Variants in MAP7 observed in about 807,000 individuals in gnomAD.
MAP7 encodes ensconsin.
A neutral mutation model predicts 94.8 loss-of-function variants in MAP7; 52 were observed. The ratio of observed to expected loss-of-function variants is 0.55; its 90% CI spans 0.44 to 0.69. The LOEUF (loss-of-function observed/expected upper bound fraction) is 0.69. Among genes scored for constraint, MAP7 ranks in the 30% least tolerant of loss-of-function variants. The probability of loss-of-function intolerance (pLI) is 0.00; values close to 1 mark genes in which losing one functional copy is unlikely to be tolerated. For missense variants in MAP7, 940 were observed against 964.6 expected, an observed-to-expected ratio of 0.97 and a Z score of 0.34; for synonymous variants, 350 against 357.0, an observed-to-expected ratio of 0.98 and a Z score of 0.22.
At chr6:136,356,925 C>T (rs911962730) in intron 15 of MAP7, 131 bp from the exon 16 acceptor site, 2 of 654,272 alleles carry the variant, frequency 3.1e-6, no homozygotes, top group Non-Finnish European at 5.4e-6. Flanking sequence ...TTGGGCACAT[C>T]ACCTAAACTC....
chr6:136,527,308 A>T (rs1397677090), intron 1 of MAP7, among the ~76,000 whole-genome samples: 3 of 152,236 alleles, frequency 2.0e-5, no homozygotes, highest in Non-Finnish European at 4.4e-5. Flanking sequence ...AAATGACATT[A>T]AAACATGCCA....
At chr6:136,511,475 C>G (rs1279620672) in intron 1 of MAP7, among the ~76,000 whole-genome samples, 1 of 147,720 alleles carries the variant, frequency 6.8e-6, no homozygotes, top group Non-Finnish European at 1.5e-5. Flanking sequence ...CACAAAGAAC[C>G]TGTTTTTCTG....
intron 1 of MAP7, among the ~76,000 whole-genome samples, chr6:136,522,554 T>G (rs1826696017): frequency 1.3e-5 from 2 of 152,174 alleles, no homozygotes; most frequent in South Asian, 4.1e-4. Flanking sequence ...CAAATTTAGA[T>G]GGCAAACTTC....
At chr6:136,357,219 T>C (rs1055408127) in intron 15 of MAP7, among the ~76,000 whole-genome samples, 2 of 152,148 alleles carry the variant, frequency 1.3e-5, no homozygotes, top group Non-Finnish European at 2.9e-5. Context: ...ATTAAAAATA[T>C]TTTTGAAAAC....
chr6:136,542,527 G>A (rs1483462295), intron 1 of MAP7, among the ~76,000 whole-genome samples: 2 of 152,104 alleles, frequency 1.3e-5, no homozygotes, highest in Non-Finnish European at 2.9e-5. Context: ...AACAAAACAA[G>A]TTATTTCCAA....
chr6:136,416,579 G>T (rs1789494076), intron 2 of MAP7, among the ~76,000 whole-genome samples: 2 of 152,124 alleles, frequency 1.3e-5, no homozygotes, highest in Admixed American at 1.3e-4. Context: ...GACGAGGCAG[G>T]CGAATCACTT....
chr6:136,532,904 G>GTGTT (rs1828584367), intron 1 of MAP7, among the ~76,000 whole-genome samples: 1 of 152,194 alleles, frequency 6.6e-6, no homozygotes, highest in South Asian at 2.1e-4. Flanking sequence ...CCTTCTCCAG[G>GTGTT]TGTTTGGGTT....
chr6:136,410,620 A>G (rs949262468), intron 3 of MAP7, among the ~76,000 whole-genome samples: 14 of 152,228 alleles, frequency 9.2e-5, no homozygotes, highest in Non-Finnish European at 1.3e-4. Context: ...AGCAAAAGAA[A>G]TGACCTCATA....
At chr6:136,426,154 C>T (rs1049897431) in intron 1 of MAP7, among the ~76,000 whole-genome samples, 3 of 152,070 alleles carry the variant, frequency 2.0e-5, no homozygotes, top group African/African-American at 7.2e-5. Context: ...ACAAAGTTCC[C>T]GTCTTCAACC....
At chr6:136,516,549 A>G (rs1339631179) in intron 1 of MAP7, among the ~76,000 whole-genome samples, 3 of 152,200 alleles carry the variant, frequency 2.0e-5, no homozygotes, top group Non-Finnish European at 1.5e-5. Flanking sequence ...CATACCAGGT[A>G]GAGGGAAGAG....
chr6:136,421,715 G>A lies in MAP7; in HGVS notation c.152C>T (p.Ser51Leu). Residue 51 changes from serine to leucine, a missense_variant, in exon 2 of 18, where the codon TCA becomes TTA. Physicochemically the swap from Ser to Leu is moderately radical, Grantham distance 145 (BLOSUM62 -2). Coordinates refer to ENST00000354570, the MANE Select transcript of MAP7 (RefSeq NM_003980.6). ...SAISGQNNNH[S>L]GNKPDPPPVL... is the part of the protein sequence containing the mutation. ...ATGCATCATACCTGGTTTATTTCCT[G>A]AGTGGTTGTTATTTTGTCCTGAAAT... 1 of 1,613,852 alleles carries A rather than the reference G, an allele frequency of 6.2e-7. No homozygotes were observed. The highest frequency in any genetic ancestry group is 8.5e-7 in the Non-Finnish European group (1 of 1,179,852).
chr6:136,539,552 T>C (rs1329061013), intron 1 of MAP7, among the ~76,000 whole-genome samples: 2 of 152,130 alleles, frequency 1.3e-5, no homozygotes, highest in African/African-American at 4.8e-5. Context: ...ACTTCATAGT[T>C]AGACATATGC....
chr6:136,442,163 G>A lies in MAP7; in HGVS notation c.68-20364C>T, dbSNP rs570433397. ...CATGCCTGTAATTGCAGCACTTTGGGAGGACGAGGCAGGTGGATCACTTGA... is the reference window on the plus strand; with the variant it reads ...CATGCCTGTAATTGCAGCACTTTGGAAGGACGAGGCAGGTGGATCACTTGA... On this transcript the variant is annotated intron_variant, in intron 1 of 17. Coordinates refer to ENST00000354570, the MANE Select transcript of MAP7 (RefSeq NM_003980.6). Among the ~76,000 whole-genome samples the A allele has an allele frequency of 2.6e-5, 4 of 152,208 alleles. 1 individual carries two copies. In the South Asian group the frequency reaches 6.2e-4, roughly 24 times the overall value.
In MAP7 at chr6:136,343,543, T is replaced by C. The variant is rs1490749719; in HGVS notation, c.*685A>G. 1.3e-5 allele frequency: 2 copies of C among 152,670 alleles called. No homozygotes were observed. Among genetic ancestry groups the C allele is most frequent in the East Asian group, 1.9e-4 (1 of 5,202 alleles). The allele number at this position is 152,670 out of a possible 1,614,324, so 9.5% of individuals were successfully genotyped here. ...TTGATTAGTTTATCTGGAAAAACTTTATAAATACATTATGTAAGAGGGCAG... is the reference window on the plus strand; with the variant it reads ...TTGATTAGTTTATCTGGAAAAACTTCATAAATACATTATGTAAGAGGGCAG... On this transcript the variant is annotated 3_prime_UTR_variant, in exon 18 of 18. Transcript: ENST00000354570.
chr6:136,393,777 C>T (rs2128678358), intron 3 of MAP7, among the ~76,000 whole-genome samples: 1 of 147,274 alleles, frequency 6.8e-6, no homozygotes, highest in African/African-American at 2.5e-5. Context: ...ACTACAGGTA[C>T]ATGCTACCAC....
At chr6:136,406,888 G>A (rs1582819095) in intron 3 of MAP7, among the ~76,000 whole-genome samples, 1 of 152,134 alleles carries the variant, frequency 6.6e-6, no homozygotes, top group Non-Finnish European at 1.5e-5. Flanking sequence ...ACAAAAGGGT[G>A]TATTAACGAT....
intron 3 of MAP7, among the ~76,000 whole-genome samples, chr6:136,399,152 A>G (rs1322694239): frequency 1.3e-5 from 2 of 152,192 alleles, no homozygotes; most frequent in African/African-American, 4.8e-5. Context: ...AAAAGTGATG[A>G]GAACATCTGA....
intron 1 of MAP7, among the ~76,000 whole-genome samples, chr6:136,533,330 G>A (rs1224084034): frequency 6.6e-6 from 1 of 152,090 alleles, no homozygotes; most frequent in African/African-American, 2.4e-5. Context: ...CCCTCAATGA[G>A]CCAATTTGTT....
intron 5 of MAP7, among the ~76,000 whole-genome samples, chr6:136,384,620 ACTCTAGGCAGGCATCACTAC>A (rs1461669938): frequency 2.3e-4 from 35 of 151,750 alleles, no homozygotes; most frequent in African/African-American, 8.2e-4. Flanking sequence ...AGTAGCTAAG[ACTCTAGGCAGGCATCACTAC>A]GCCCAGCTAA....
Sources: allele counts gnomAD v4.1 joint callset (sites outside exome capture counted in the v4.1 genomes callset), GRCh38; gene constraint gnomAD v4.1.1; transcripts MANE v1.5; gene names NCBI Gene and HGNC (gene_info 2026-07-23, HGNC 2026-07-21).